CMSS1: variants seen among roughly 807,000 people sequenced by gnomAD.
The protein encoded by CMSS1 is protein CMSS1.
A neutral mutation model predicts 43.5 loss-of-function variants in CMSS1; 33 were observed. The observed-to-expected ratio is 0.76, with a 90% CI of 0.57 to 1.01. CMSS1 has a LOEUF of 1.01. Among genes scored for constraint, CMSS1 ranks in the 50% least tolerant of loss-of-function variants. The pLI is 0.00. For missense variants in CMSS1, 313 were observed against 326.4 expected, an observed-to-expected ratio of 0.96 and a Z score of 0.32; for synonymous variants, 115 against 117.2, an observed-to-expected ratio of 0.98 and a Z score of 0.12.
rs141956562 is a variant in CMSS1, at chr3:99,993,904, A to G, written c.65-153069A>G. Among the ~76,000 whole-genome samples the G allele has an allele frequency of 1.5e-4, 23 of 152,204 alleles. No homozygotes were observed. In the East Asian group the frequency reaches 2.7e-3, roughly 18 times the overall value. Reference sequence around the variant, plus strand: ...TATTTTGTTGATGATTTTTGTGTCTATGTTAATCAGGGATATTGGTTTATA... The same window carrying G: ...TATTTTGTTGATGATTTTTGTGTCTGTGTTAATCAGGGATATTGGTTTATA... On this transcript the variant is annotated intron_variant, in intron 1 of 9. Transcript: ENST00000421999.
intron 1 of CMSS1, among the ~76,000 whole-genome samples, chr3:99,837,609 G>T (rs1942953986): frequency 6.6e-6 from 1 of 152,196 alleles, no homozygotes; most frequent in Non-Finnish European, 1.5e-5. Flanking sequence ...TTTTACTTGG[G>T]ATGCTTCCTT....
chr3:100,028,978 A>T (rs1288446987), intron 1 of CMSS1, among the ~76,000 whole-genome samples: 1 of 152,136 alleles, frequency 6.6e-6, no homozygotes, highest in Non-Finnish European at 1.5e-5. Flanking sequence ...TCAGTCCGTT[A>T]CTTGAGCAGT....
intron 1 of CMSS1, among the ~76,000 whole-genome samples, chr3:99,996,193 T>TA (rs1314157937): frequency 6.6e-6 from 1 of 152,126 alleles, no homozygotes; most frequent in Non-Finnish European, 1.5e-5. Flanking sequence ...TTCCACCAGA[T>TA]ACCCTAAATC....
intron 1 of CMSS1, among the ~76,000 whole-genome samples, chr3:100,056,058 C>T (rs1353746615): frequency 1.3e-5 from 2 of 152,146 alleles, no homozygotes; most frequent in African/African-American, 4.8e-5. Context: ...TTCATATTTG[C>T]TCAAAGTAGC....
intron 7 of CMSS1, 121 bp downstream of exon 7, chr3:100,172,020 T>A: frequency 1.3e-6 from 1 of 793,028 alleles, no homozygotes. Context: ...ATGTAACATT[T>A]AACAACTTTT....
chr3:100,146,284 G>A (rs1009338176), intron 1 of CMSS1, among the ~76,000 whole-genome samples: 1 of 152,100 alleles, frequency 6.6e-6, no homozygotes, highest in African/African-American at 2.4e-5. Context: ...TTTCTATTGT[G>A]GAAAGGTTAA....
chr3:100,149,977 T>C (rs577912308), intron 2 of CMSS1, among the ~76,000 whole-genome samples: 2 of 152,076 alleles, frequency 1.3e-5, no homozygotes, highest in Non-Finnish European at 1.5e-5. Flanking sequence ...ATTCCCTCCT[T>C]GAAAGGCTCC....
At chr3:99,850,397 G>A in intron 1 of CMSS1, 2 of 1,613,494 alleles carry the variant, frequency 1.2e-6, no homozygotes, top group Non-Finnish European at 1.7e-6. Flanking sequence ...AACTTTTCCA[G>A]AGCCATAATT....
chr3:100,181,667 C>T lies in CMSS1; in HGVS notation c.*3279C>T, dbSNP rs973382985. 93 of 152,184 alleles carry T rather than the reference C, an allele frequency of 6.1e-4. No individual in the cohort carries two copies. The highest frequency in any genetic ancestry group is 2.1e-3 in the African/African-American group (87 of 41,518). 9.4% of individuals were successfully genotyped at this position (152,184 alleles called of 1,614,324 possible). On this transcript the variant is annotated 3_prime_UTR_variant, in exon 10 of 10. Transcript: ENST00000421999. The stretch of plus-strand genomic sequence containing the variant: ...TCCATCGTGTATTTTGTAGAATGTC[C>T]TTCAATTTGGATTTGTCTGTAATGT...
At chr3:100,065,842 A>C (rs2065654322) in intron 1 of CMSS1, among the ~76,000 whole-genome samples, 1 of 152,246 alleles carries the variant, frequency 6.6e-6, no homozygotes, top group African/African-American at 2.4e-5. Flanking sequence ...GCCAGGTATC[A>C]TTTACCTAAT....
At chr3:100,050,852 G>A (rs942199254) in intron 1 of CMSS1, among the ~76,000 whole-genome samples, 1 of 152,100 alleles carries the variant, frequency 6.6e-6, no homozygotes, top group African/African-American at 2.4e-5. Context: ...TGTTAAATTA[G>A]CGGCTTTAAC....
At chr3:100,065,507 C>A (rs1461396296) in intron 1 of CMSS1, among the ~76,000 whole-genome samples, 2 of 152,192 alleles carry the variant, frequency 1.3e-5, no homozygotes, top group African/African-American at 4.8e-5. Flanking sequence ...GTGGCTGCCT[C>A]ATCCTAGAAA....
chr3:99,846,453 A>G (rs1435976148), intron 1 of CMSS1, among the ~76,000 whole-genome samples: 1 of 152,226 alleles, frequency 6.6e-6, no homozygotes, highest in African/African-American at 2.4e-5. Context: ...AAGAGCTAAA[A>G]TTAAGTTTGC....
chr3:99,825,391 G>A (rs1441678154), intron 1 of CMSS1, among the ~76,000 whole-genome samples: 1 of 152,168 alleles, frequency 6.6e-6, no homozygotes, highest in African/African-American at 2.4e-5. Context: ...TAAAAAGCAA[G>A]GGGAAGGAAA....
At chr3:99,951,827 C>T (rs1576596299) in intron 1 of CMSS1, among the ~76,000 whole-genome samples, 5 of 152,142 alleles carry the variant, frequency 3.3e-5, no homozygotes, top group Admixed American at 3.3e-4. Context: ...TCTATCTTTC[C>T]AGAAAGCAGC....
chr3:99,830,731 A>G, intron 1 of CMSS1: 1 of 382,726 alleles, frequency 2.6e-6, no homozygotes, highest in South Asian at 1.9e-5. Context: ...GGGATGTATC[A>G]GATCAAAGAT....
intron 2 of CMSS1, among the ~76,000 whole-genome samples, chr3:100,155,138 A>G (rs761039579): frequency 6.6e-6 from 1 of 152,208 alleles, no homozygotes; most frequent in Non-Finnish European, 1.5e-5. Context: ...ATCCTGACAT[A>G]GCATATGAGG....
At chr3:100,012,999 T>C (rs1710205733) in intron 1 of CMSS1, among the ~76,000 whole-genome samples, 1 of 152,066 alleles carries the variant, frequency 6.6e-6, no homozygotes, top group African/African-American at 2.4e-5. Context: ...GGTTTTGTCA[T>C]GTTGTCCGGG....
chr3:100,142,313 T>C (rs1467111077), intron 1 of CMSS1, among the ~76,000 whole-genome samples: 1 of 152,072 alleles, frequency 6.6e-6, no homozygotes, highest in Non-Finnish European at 1.5e-5. Context: ...TGAAAAAAAA[T>C]GTGTCTTTAC....
Sources: gnomAD v4.1 joint callset for allele counts (sites outside exome capture counted in the v4.1 genomes callset) on GRCh38, gnomAD v4.1.1 for gene constraint, MANE v1.5 for transcripts, NCBI Gene and HGNC (gene_info 2026-07-23, HGNC 2026-07-21) for gene names.